Variants in ASB3 observed in about 807,000 individuals in gnomAD.
ASB3 encodes the protein ankyrin repeat and SOCS box protein 3.
ASB3 carries 41 observed loss-of-function variants against 54.5 expected under a neutral mutation model. That is an observed-to-expected ratio of 0.75 (90% CI 0.59 to 0.98). The LOEUF is 0.98. ASB3 is among the 50% of genes least tolerant of loss of function. The pLI is 0.00. For missense variants in ASB3, 733 were observed against 620.0 expected (o/e 1.18, Z -1.94); for synonymous variants, 266 against 221.2 (o/e 1.20, Z -1.80).
chr2:53,702,492 A>C (rs76791404), intron 7 of ASB3, among the ~76,000 whole-genome samples: 16,348 of 152,170 alleles, frequency 0.11, 1,077 homozygotes, highest in Non-Finnish European at 0.15. Flanking sequence ...ACACTTCAAC[A>C]AATTCTCTCT....
At chr2:53,689,024 A>AT (rs1003892789) in intron 9 of ASB3, among the ~76,000 whole-genome samples, 8 of 152,050 alleles carry the variant, frequency 5.3e-5, no homozygotes, top group African/African-American at 1.9e-4. Context: ...ATTGATCTAA[A>AT]TTTTTTTTAA....
intron 5 of ASB3, among the ~76,000 whole-genome samples, chr2:53,728,163 A>G (rs1671113089): frequency 6.6e-6 from 1 of 152,182 alleles, no homozygotes; most frequent in South Asian, 2.1e-4. Context: ...TCTGGTCACA[A>G]AATTGTCACT....
At chr2:53,724,183 G>C (rs1339808618) in intron 5 of ASB3, among the ~76,000 whole-genome samples, 1 of 152,134 alleles carries the variant, frequency 6.6e-6, no homozygotes, top group Non-Finnish European at 1.5e-5. Context: ...GAAAATATTT[G>C]CTAACTAGGT....
chr2:53,687,650 G>A (rs1572844702), intron 9 of ASB3, among the ~76,000 whole-genome samples: 1 of 152,086 alleles, frequency 6.6e-6, no homozygotes, highest in African/African-American at 2.4e-5. Flanking sequence ...GCCCACTACT[G>A]CCCCACTTCC....
intron 5 of ASB3, among the ~76,000 whole-genome samples, chr2:53,719,519 C>G (rs1040387554): frequency 6.6e-6 from 1 of 152,174 alleles, no homozygotes; most frequent in Non-Finnish European, 1.5e-5. Flanking sequence ...CTGCCCTGCT[C>G]TGGCTGGGAA....
chr2:53,695,717 C>A (rs775642527), intron 8 of ASB3, among the ~76,000 whole-genome samples: 1 of 152,012 alleles, frequency 6.6e-6, no homozygotes, highest in Non-Finnish European at 1.5e-5. Context: ...ACCAGTTGTA[C>A]AATCATAAAC....
intron 2 of ASB3, among the ~76,000 whole-genome samples, chr2:53,754,467 G>C (rs1173095553): frequency 6.6e-6 from 1 of 152,156 alleles, no homozygotes; most frequent in Non-Finnish European, 1.5e-5. Context: ...TTCTCACACA[G>C]GTGAGAAATA....
chr2:53,771,645 A>G (rs1673919370), intron 1 of ASB3, among the ~76,000 whole-genome samples: 1 of 152,174 alleles, frequency 6.6e-6, no homozygotes, highest in South Asian at 2.1e-4. Flanking sequence ...ATGTTTTCCA[A>G]TATATCCATG....
At chr2:53,778,713 G>T (rs1674489107) in intron 1 of ASB3, among the ~76,000 whole-genome samples, 1 of 152,158 alleles carries the variant, frequency 6.6e-6, no homozygotes, top group South Asian at 2.1e-4. Context: ...AAATGACAAA[G>T]TTTCTTTCAT....
intron 9 of ASB3, among the ~76,000 whole-genome samples, chr2:53,685,457 C>A (rs535999790): frequency 6.6e-6 from 1 of 152,060 alleles, no homozygotes; most frequent in Admixed American, 6.5e-5. Flanking sequence ...GTCCACCTTT[C>A]CCCCACCAGA....
chr2:53,772,443 G>A (rs966278594), intron 1 of ASB3, among the ~76,000 whole-genome samples: 15 of 151,964 alleles, frequency 9.9e-5, no homozygotes, highest in African/African-American at 3.4e-4. Flanking sequence ...CAAAGTGCTG[G>A]GATTACAGGC....
At chr2:53,761,538 T>A (rs1380211121) in intron 2 of ASB3, among the ~76,000 whole-genome samples, 1 of 152,176 alleles carries the variant, frequency 6.6e-6, no homozygotes, top group Non-Finnish European at 1.5e-5. Context: ...CCAGGACTCA[T>A]ACCAGTGGCC....
chr2:53,679,536 G>T lies in ASB3; in HGVS notation c.1370-8846C>A, dbSNP rs542903764. On this transcript the variant is annotated intron_variant, in intron 9 of 9. Transcript: ENST00000263634. Reference sequence around the variant, plus strand: ...CTGAGGCTAATCCCGTCTCCAACTGGCCTACACGAAATTTCATTACACAAA... The same window carrying T: ...CTGAGGCTAATCCCGTCTCCAACTGTCCTACACGAAATTTCATTACACAAA... 3.3e-5 allele frequency among the ~76,000 whole-genome samples: 5 copies of T among 151,658 alleles called. No individual in the cohort carries two copies. In the East Asian group the frequency reaches 9.7e-4, roughly 29 times the overall value.
chr2:53,747,557 G>A (rs77705919), intron 3 of ASB3, among the ~76,000 whole-genome samples: 12,198 of 152,174 alleles, frequency 0.08, 649 homozygotes, highest in Non-Finnish European at 0.12. Context: ...AGTCAAATAC[G>A]TTTCAAAGCT....
At chr2:53,749,342 T>C (rs1672397318) in intron 3 of ASB3, among the ~76,000 whole-genome samples, 1 of 152,046 alleles carries the variant, frequency 6.6e-6, no homozygotes, top group Non-Finnish European at 1.5e-5. Flanking sequence ...ATGGGGCAAC[T>C]AAAAGTCTCA....
chr2:53,720,091 A>G (rs764405140), intron 5 of ASB3, among the ~76,000 whole-genome samples: 22 of 151,958 alleles, frequency 1.4e-4, no homozygotes, highest in Non-Finnish European at 2.4e-4. Flanking sequence ...GCTCACTGGG[A>G]TAAGTGCATA....
At chr2:53,703,532 G>C (rs1242275348) in intron 7 of ASB3, among the ~76,000 whole-genome samples, 1 of 152,220 alleles carries the variant, frequency 6.6e-6, no homozygotes, top group Non-Finnish European at 1.5e-5. Context: ...TCATAAGTTT[G>C]AGGCTGCGGT....
chr2:53,724,216 A>G (rs1350562662), intron 5 of ASB3, among the ~76,000 whole-genome samples: 2 of 152,222 alleles, frequency 1.3e-5, no homozygotes, highest in Non-Finnish European at 2.9e-5. Context: ...TCTGGATATT[A>G]CACAAAGGTC....
At chr2:53,690,708 T>A (rs1186964644) in intron 9 of ASB3, among the ~76,000 whole-genome samples, 1 of 152,170 alleles carries the variant, frequency 6.6e-6, no homozygotes, top group Non-Finnish European at 1.5e-5. Context: ...ACCTTTTTTT[T>A]TTCGTTTTTC....
Sources: allele counts gnomAD v4.1 joint callset (sites outside exome capture counted in the v4.1 genomes callset), GRCh38; gene constraint gnomAD v4.1.1; transcripts MANE v1.5; gene names NCBI Gene and HGNC (gene_info 2026-07-23, HGNC 2026-07-21).